ASTN2: variants seen among roughly 807,000 people sequenced by gnomAD.
ASTN2 encodes the protein astrotactin 2, also known as astrotactin-2.
Under a neutral mutation model 139.8 loss-of-function variants are expected in ASTN2, and 54 were observed. The observed-to-expected ratio is 0.39, with a 90% CI of 0.31 to 0.48. The LOEUF (loss-of-function observed/expected upper bound fraction) is 0.48, where lower values mean the gene tolerates loss of function less well. Among genes scored for constraint, ASTN2 ranks in the 20% least tolerant of loss-of-function variants. The pLI, the probability that ASTN2 is intolerant of heterozygous loss-of-function variation, is 0.95. For synonymous variants in ASTN2, 756 were observed against 719.5 expected, an observed-to-expected ratio of 1.05 and a Z score of -0.81; for missense variants, 1,565 against 1,725.1, an observed-to-expected ratio of 0.91 and a Z score of 1.64.
chr9:116,562,770 G>A (rs1159119029), intron 19 of ASTN2, among the ~76,000 whole-genome samples: 1 of 147,928 alleles, frequency 6.8e-6, no homozygotes, highest in Non-Finnish European at 1.5e-5. Context: ...ATGCTTCTTG[G>A]AGAAAGCAAA....
intron 6 of ASTN2, among the ~76,000 whole-genome samples, chr9:117,025,604 C>G (rs1050254474): frequency 3.9e-5 from 6 of 152,122 alleles, no homozygotes; most frequent in Non-Finnish European, 2.9e-5. Context: ...ATCCTCCACC[C>G]TGGTTCAAAT....
intron 10 of ASTN2, among the ~76,000 whole-genome samples, chr9:116,915,780 C>T (rs958190660): frequency 6.6e-6 from 1 of 152,192 alleles, no homozygotes; most frequent in Non-Finnish European, 1.5e-5. Flanking sequence ...CTTCATCTGT[C>T]TGTTCATCTG....
intron 1 of ASTN2, among the ~76,000 whole-genome samples, chr9:117,299,011 C>A (rs968924207): frequency 1.3e-5 from 2 of 152,000 alleles, no homozygotes; most frequent in Admixed American, 6.6e-5. Context: ...CATCCTGGAG[C>A]ATGCACATGA....
At position 116,440,881 on chromosome 9, in the gene ASTN2, G is replaced by A. The variant is rs944708537; in HGVS notation, c.3599-89C>T. ...GGGCTTCAATAAGAAAGGCACAGTG[G>A]TGAGAAAGTTTGCTTGCATAAGCTC... On this transcript the variant is annotated intron_variant, in intron 21 of 22. Coordinates refer to ENST00000313400, the MANE Select transcript of ASTN2 (RefSeq NM_001365068.1). 23 of 1,349,122 alleles carry A rather than the reference G, an allele frequency of 1.7e-5. No individual in the cohort carries two copies. The Admixed American group carries it at 4.6e-4, about 27-fold the overall frequency. The allele number at this position is 1,349,122 out of a possible 1,614,324, so 83.6% of individuals were successfully genotyped here. A position where few individuals can be genotyped will look rare whatever the true frequency, so the allele number is the denominator to read the frequency against.
At chr9:117,174,748 C>A (rs1484117041) in intron 3 of ASTN2, among the ~76,000 whole-genome samples, 1 of 151,950 alleles carries the variant, frequency 6.6e-6, no homozygotes, top group Non-Finnish European at 1.5e-5. Flanking sequence ...TATCCAATCA[C>A]GGCTTGAAAA....
chr9:117,411,929 A>G (rs895343855), intron 1 of ASTN2, among the ~76,000 whole-genome samples: 1 of 152,086 alleles, frequency 6.6e-6, no homozygotes, highest in Admixed American at 6.5e-5. Context: ...CTGCCTTGGG[A>G]CACTAGAAAG....
At chr9:117,342,081 T>C (rs1354767930) in intron 1 of ASTN2, among the ~76,000 whole-genome samples, 3 of 152,152 alleles carry the variant, frequency 2.0e-5, no homozygotes, top group Non-Finnish European at 4.4e-5. Context: ...GTTGAAGAGA[T>C]AATATTTAGC....
chr9:116,720,824 C>G (rs1476235740), intron 16 of ASTN2, among the ~76,000 whole-genome samples: 1 of 151,980 alleles, frequency 6.6e-6, no homozygotes, highest in Non-Finnish European at 1.5e-5. Context: ...CTTTTGATAT[C>G]TCCCCAGTCC....
intron 16 of ASTN2, among the ~76,000 whole-genome samples, chr9:116,656,297 A>C (rs1858207753): frequency 6.6e-6 from 1 of 152,220 alleles, no homozygotes. Flanking sequence ...ACGATAACTA[A>C]TAAATGATTG....
chr9:116,478,863 G>C (rs893889395), intron 20 of ASTN2, among the ~76,000 whole-genome samples: 2 of 151,816 alleles, frequency 1.3e-5, no homozygotes, highest in African/African-American at 4.8e-5. Context: ...ACAGTGGCAC[G>C]TGCCTGTAGT....
At chr9:117,124,807 TG>T (rs1414212693) in intron 4 of ASTN2, among the ~76,000 whole-genome samples, 9 of 89,398 alleles carry the variant, frequency 1.0e-4, no homozygotes, top group Admixed American at 3.4e-4. Context: ...CCTGCCACCA[TG>T]AAAAAAAAAA....
At chr9:117,368,909 C>T (rs1829920058) in intron 1 of ASTN2, among the ~76,000 whole-genome samples, 1 of 152,128 alleles carries the variant, frequency 6.6e-6, no homozygotes, top group Non-Finnish European at 1.5e-5. Flanking sequence ...ACCTTGATTG[C>T]AGGTGTTGGC....
intron 1 of ASTN2, among the ~76,000 whole-genome samples, chr9:117,413,901 T>C (rs73521672): frequency 0.037 from 5,654 of 152,206 alleles, 276 homozygotes; most frequent in African/African-American, 0.11. Flanking sequence ...TCTCCAGCCC[T>C]ATTTCACAGA....
intron 10 of ASTN2, among the ~76,000 whole-genome samples, chr9:116,942,544 A>G (rs1171634096): frequency 1.3e-5 from 2 of 152,174 alleles, no homozygotes; most frequent in Non-Finnish European, 2.9e-5. Flanking sequence ...CTTGTATTTT[A>G]GGAATATGTG....
At chr9:116,613,760 A>G (rs879021327) in intron 19 of ASTN2, among the ~76,000 whole-genome samples, 2 of 152,024 alleles carry the variant, frequency 1.3e-5, no homozygotes, top group African/African-American at 2.4e-5. Flanking sequence ...CAAACCCACA[A>G]CCAATATCAT....
At chr9:116,884,822 T>G (rs1833552949) in intron 10 of ASTN2, among the ~76,000 whole-genome samples, 1 of 66,102 alleles carries the variant, frequency 1.5e-5, no homozygotes, top group Admixed American at 1.8e-4. Context: ...CCACCCACTT[T>G]TTTTTTTTTT....
intron 3 of ASTN2, among the ~76,000 whole-genome samples, chr9:117,153,476 G>A (rs1423297382): frequency 6.6e-6 from 1 of 152,112 alleles, no homozygotes; most frequent in Non-Finnish European, 1.5e-5. Context: ...GGCAGTGACT[G>A]ACTGAAACAC....
chr9:116,981,268 GA>G (rs770870587), intron 7 of ASTN2, among the ~76,000 whole-genome samples: 62 of 152,152 alleles, frequency 4.1e-4, no homozygotes, highest in Non-Finnish European at 7.1e-4. Context: ...CTCAATTATT[GA>G]ATGAATGAAT....
chr9:117,253,902 A>G (rs2133095642), intron 2 of ASTN2, among the ~76,000 whole-genome samples: 1 of 152,254 alleles, frequency 6.6e-6, no homozygotes, highest in South Asian at 2.1e-4. Context: ...TTTTGGCCAC[A>G]CACCCAGAGG....
Sources: gnomAD v4.1 joint callset for allele counts (sites outside exome capture counted in the v4.1 genomes callset) on GRCh38, gnomAD v4.1.1 for gene constraint, MANE v1.5 for transcripts, NCBI Gene and HGNC (gene_info 2026-07-23, HGNC 2026-07-21) for gene names.